Variants in UTRN observed in about 807,000 individuals in gnomAD.
UTRN encodes the protein utrophin, also known as dystrophin-related protein 1.
Under a neutral mutation model 463.9 loss-of-function variants are expected in UTRN, and 283 were observed. That is an observed-to-expected ratio of 0.61 (90% CI 0.55 to 0.67). The LOEUF (loss-of-function observed/expected upper bound fraction) is 0.67. UTRN is among the 30% of genes least tolerant of loss of function. The pLI, the probability that UTRN is intolerant of heterozygous loss-of-function variation, is 0.00. For synonymous variants in UTRN, 1,442 were observed against 1,431.5 expected (o/e 1.01, Z -0.17); for missense variants, 3,922 against 4,084.3 (o/e 0.96, Z 1.08).
In UTRN at chr6:144,467,311, C is replaced by T. The variant is rs531131828; in HGVS notation, c.3066+4445C>T. Among the ~76,000 whole-genome samples, 8 of 152,322 alleles carry T rather than the reference C, an allele frequency of 5.3e-5. No individual in the cohort carries two copies. The South Asian group carries it at 1.4e-3, about 28-fold the overall frequency. On this transcript the variant is annotated intron_variant, in intron 23 of 74. Transcript: ENST00000367545. ...GATAATCGTTCCCTCCTCTGTGATT[C>T]GACTGTGTGTCATTTACACCTTCAC...
At chr6:144,508,903 G>A (rs186888399) in intron 34 of UTRN, among the ~76,000 whole-genome samples, 140 of 152,158 alleles carry the variant, frequency 9.2e-4, no homozygotes, top group African/African-American at 1.8e-3. Flanking sequence ...GTTGCCTTTC[G>A]TTGTTTTCTG....
chr6:144,669,385 C>T (rs895250250), intron 51 of UTRN, among the ~76,000 whole-genome samples: 2 of 152,100 alleles, frequency 1.3e-5, no homozygotes, highest in East Asian at 3.9e-4. Flanking sequence ...AAATTATACA[C>T]AAATGCATAT....
rs1451089083 is a variant in UTRN at position 144,435,959 on chromosome 6, G to A, written c.880G>A (p.Glu294Lys). ...IQSTAPEEEH[E>K]SPRAETPSTV... ...GAGTACAGCGCCTGAGGAGGAGCATGAGAGTCCCCGAGCTGAAACTCCCAG... is the reference window on the plus strand; with the variant it reads ...GAGTACAGCGCCTGAGGAGGAGCATAAGAGTCCCCGAGCTGAAACTCCCAG... Residue 294 changes from glutamate to lysine, a missense_variant, in exon 10 of 75, where the codon GAG becomes AAG. Around this residue, in one of 3 missense-constraint regions of UTRN, gnomAD observed 2,349 missense variants for 2,303.8 expected, o/e 1.02. Coordinates refer to ENST00000367545, the MANE Select transcript of UTRN (RefSeq NM_007124.3). The A allele has an allele frequency of 1.9e-6, 3 of 1,614,092 alleles. No homozygotes were observed. Among genetic ancestry groups the A allele is most frequent in the East Asian group, 2.2e-5 (1 of 44,876 alleles).
At position 144,482,408 on chromosome 6, in the gene UTRN, G is replaced by GTTATTATTATTA. The variant is rs200321832; in HGVS notation, c.3687+22_3687+23insATTATTATTATT. On this transcript the variant is annotated intron_variant, in intron 27 of 74. Transcript: ENST00000367545. ...CTAGAGGTATGCTATTATTATTATT[G>GTTATTATTATTA]TTGTTATTATTATTATTATTATTAT... The GTTATTATTATTA allele has an allele frequency of 6.2e-4, 708 of 1,139,764 alleles. 3 individuals carry two copies. The African/African-American group carries it at 0.012, about 19-fold the overall frequency. The allele number at this position is 1,139,764 out of a possible 1,614,324, so 70.6% of individuals were successfully genotyped here.
At chr6:144,590,063 G>A (rs1480322790) in intron 51 of UTRN, among the ~76,000 whole-genome samples, 1 of 151,922 alleles carries the variant, frequency 6.6e-6, no homozygotes, top group African/African-American at 2.4e-5. Context: ...GCCTCACTAT[G>A]TTGCGCCGGC....
chr6:144,759,912 T>C (rs1792457947), intron 58 of UTRN, among the ~76,000 whole-genome samples: 1 of 152,180 alleles, frequency 6.6e-6, no homozygotes, highest in African/African-American at 2.4e-5. Context: ...TCACGCAAAT[T>C]AATTGAAATT....
At chr6:144,368,512 C>T (rs1779704003) in intron 2 of UTRN, among the ~76,000 whole-genome samples, 2 of 152,128 alleles carry the variant, frequency 1.3e-5, no homozygotes, top group Admixed American at 1.3e-4. Flanking sequence ...TGGCTCAGGC[C>T]TGTAATCCCA....
intron 18 of UTRN, among the ~76,000 whole-genome samples, chr6:144,451,749 A>T (rs962684529): frequency 3.3e-5 from 5 of 151,694 alleles, no homozygotes; most frequent in African/African-American, 9.7e-5. Flanking sequence ...TCTTATGGTG[A>T]TCCAGTTAGT....
chr6:144,747,013 T>G (rs1790821809), intron 54 of UTRN, among the ~76,000 whole-genome samples: 2 of 152,204 alleles, frequency 1.3e-5, no homozygotes. Context: ...TTGACTTGGC[T>G]TTTATATAAT....
At chr6:144,555,293 A>T (rs1238950943) in intron 49 of UTRN, among the ~76,000 whole-genome samples, 1 of 152,194 alleles carries the variant, frequency 6.6e-6, no homozygotes. Flanking sequence ...ATTGACTCAC[A>T]GTTCATTTGA....
chr6:144,542,257 T>C (rs1004226691), intron 45 of UTRN, among the ~76,000 whole-genome samples: 6 of 152,150 alleles, frequency 3.9e-5, no homozygotes, highest in Admixed American at 3.3e-4. Context: ...AATTCAGATG[T>C]GGACATATCT....
chr6:144,475,344 AGCAG>A (rs1180192040), intron 25 of UTRN, among the ~76,000 whole-genome samples: 3 of 152,222 alleles, frequency 2.0e-5, no homozygotes, highest in African/African-American at 7.2e-5. Context: ...CGTGGAGAAT[AGCAG>A]GCTTTAAAAC....
chr6:144,511,524 C>T (rs1795168741), intron 35 of UTRN, among the ~76,000 whole-genome samples: 1 of 152,146 alleles, frequency 6.6e-6, no homozygotes. Context: ...TAAAAATTTT[C>T]ATTACTAGCT....
At chr6:144,617,364 T>C (rs540488320) in intron 51 of UTRN, among the ~76,000 whole-genome samples, 22 of 152,340 alleles carry the variant, frequency 1.4e-4, no homozygotes, top group South Asian at 8.3e-4. Context: ...TCTGAAACCA[T>C]CATCATGATT....
intron 71 of UTRN, among the ~76,000 whole-genome samples, chr6:144,838,567 CTAAG>C (rs1445525486): frequency 6.6e-6 from 1 of 152,178 alleles, no homozygotes; most frequent in South Asian, 2.1e-4. Context: ...GAAGTATTTA[CTAAG>C]TGTCAGGCTG....
intron 21 of UTRN, among the ~76,000 whole-genome samples, chr6:144,459,723 T>A (rs916473250): frequency 2.6e-5 from 4 of 152,100 alleles, no homozygotes; most frequent in African/African-American, 9.7e-5. Flanking sequence ...ACTGAGTAGC[T>A]GGGACTACAG....
chr6:144,821,212 T>C (rs1437765821), intron 66 of UTRN, among the ~76,000 whole-genome samples, 194 bp downstream of exon 66: 1 of 152,228 alleles, frequency 6.6e-6, no homozygotes, highest in East Asian at 1.9e-4. Context: ...ATTTCAATTT[T>C]AACCTTGCAC....
intron 51 of UTRN, among the ~76,000 whole-genome samples, chr6:144,649,031 A>G (rs1004556949): frequency 2.0e-5 from 3 of 152,312 alleles, no homozygotes; most frequent in African/African-American, 7.2e-5. Flanking sequence ...CAACATGTAA[A>G]TAAGGTACAG....
rs1289440745 is a variant in UTRN at position 144,285,620 on chromosome 6, C to CTCTT, written c.-280_-277dup. On this transcript the variant is annotated 5_prime_UTR_variant, in exon 1 of 75. Transcript: ENST00000367545. The stretch of plus-strand genomic sequence containing the variant: ...GGCGTTTTCAGTCGGGTGTCAATTT[C>CTCTT]TCTTTCTTTCTTTCTTTTTTTAAAA... 13 of 152,276 alleles carry CTCTT rather than the reference C, an allele frequency of 8.5e-5. No individual in the cohort carries two copies. The highest frequency in any genetic ancestry group is 2.9e-4 in the African/African-American group (12 of 41,546). The allele number at this position is 152,276 out of a possible 1,614,324, so 9.4% of individuals were successfully genotyped here.
Sources: gnomAD v4.1 joint callset for allele counts (sites outside exome capture counted in the v4.1 genomes callset) on GRCh38, gnomAD v4.1.1 for gene constraint, gnomAD v4.1.1 regional missense constraint, MANE v1.5 for transcripts, NCBI Gene and HGNC (gene_info 2026-07-23, HGNC 2026-07-21) for gene names.